Variants in MAST2 observed in about 807,000 individuals in gnomAD.
The protein encoded by MAST2 is microtubule-associated serine/threonine-protein kinase 2.
A neutral mutation model predicts 147.4 loss-of-function variants in MAST2; 70 were observed. The ratio of observed to expected loss-of-function variants is 0.47; its 90% CI spans 0.39 to 0.58. The LOEUF is 0.58. Among genes scored for constraint, MAST2 ranks in the 20% least tolerant of loss-of-function variants. The pLI is 0.00. For missense variants in MAST2, 2,080 were observed against 2,302.3 expected, an observed-to-expected ratio of 0.90 and a Z score of 1.98; for synonymous variants, 869 against 896.8, an observed-to-expected ratio of 0.97 and a Z score of 0.55.
chr1:46,032,832 G>T, intron 26 of MAST2, 114 bp downstream of exon 26: 1 of 1,423,186 alleles, frequency 7.0e-7, no homozygotes, highest in Non-Finnish European at 9.6e-7. Context: ...ACCGAGTATG[G>T]ATGTAGGTAC....
chr1:45,919,878 T>TGCAAA (rs1653176161), intron 4 of MAST2, among the ~76,000 whole-genome samples: 1 of 152,114 alleles, frequency 6.6e-6, no homozygotes, highest in South Asian at 2.1e-4. Flanking sequence ...ATCCATGCCA[T>TGCAAA]GCAAAGTGCC....
Position 45,985,604 on chromosome 1 carries a change from G to A in MAST2, c.593-12120G>A, listed in dbSNP as rs1051056592. Among the ~76,000 whole-genome samples, 4 of 152,218 alleles carry A rather than the reference G, an allele frequency of 2.6e-5. No homozygotes were observed. In the South Asian group the frequency reaches 6.2e-4, roughly 24 times the overall value. On this transcript the variant is annotated intron_variant, in intron 5 of 28. Coordinates refer to ENST00000361297, the MANE Select transcript of MAST2 (RefSeq NM_015112.3). ...GTATGTACTGTGTTTTTTGTCTGGC[G>A]TCTTGTCCTTTGTATTTCCATATGA... is the stretch of plus-strand genomic sequence containing the variant.
intron 2 of MAST2, among the ~76,000 whole-genome samples, chr1:45,828,977 C>G (rs1169070203): frequency 3.3e-5 from 5 of 151,436 alleles, no homozygotes; most frequent in African/African-American, 1.2e-4. Flanking sequence ...TATACTTGGT[C>G]TTTATAAGTG....
intron 4 of MAST2, among the ~76,000 whole-genome samples, chr1:45,899,319 T>TTTTC (rs1417436264): frequency 6.7e-6 from 1 of 148,552 alleles, no homozygotes; most frequent in African/African-American, 2.5e-5. Context: ...TTTTTTTTTT[T>TTTTC]TTTTTTTTAG....
chr1:46,017,179 A>G (rs1487589189), intron 10 of MAST2, among the ~76,000 whole-genome samples: 2 of 152,160 alleles, frequency 1.3e-5, no homozygotes, highest in Admixed American at 6.5e-5. Context: ...TTAATTCAAG[A>G]TGGATTAAAG....
In MAST2 at chr1:45,900,745, G is replaced by A. The variant is rs1270867131; in HGVS notation, c.500+18350G>A. On this transcript the variant is annotated intron_variant, in intron 4 of 28. Transcript: ENST00000361297. ...CTCCCAAAGTGCTGGGATTACAGGC[G>A]TGAGCCACCGCGCCCGGCCGATGTT... Among the ~76,000 whole-genome samples, 4 of 7,204 alleles carry A rather than the reference G, an allele frequency of 5.6e-4. 2 individuals are homozygous for A. The highest frequency in any genetic ancestry group is 3.3e-3 in the African/African-American group (2 of 604). The allele number at this position is 7,204 out of a possible 152,430, so 4.7% of individuals were successfully genotyped here.
chr1:45,986,441 C>G (rs191125545), intron 5 of MAST2, among the ~76,000 whole-genome samples: 2 of 152,084 alleles, frequency 1.3e-5, no homozygotes, highest in African/African-American at 2.4e-5. Flanking sequence ...TTATGCCGGG[C>G]ACGGTGGCTC....
intron 4 of MAST2, among the ~76,000 whole-genome samples, chr1:45,937,578 C>G (rs925222505): frequency 3.3e-5 from 5 of 151,672 alleles, no homozygotes; most frequent in African/African-American, 1.2e-4. Flanking sequence ...GGTGAAGCCC[C>G]GTCTCTACTA....
intron 4 of MAST2, among the ~76,000 whole-genome samples, chr1:45,906,682 T>C (rs1650798124): frequency 6.7e-6 from 1 of 148,810 alleles, no homozygotes; most frequent in Admixed American, 6.7e-5. Flanking sequence ...TTGTAACATA[T>C]AATAATTATA....
chr1:45,997,360 A>C (rs1364056112), intron 5 of MAST2, among the ~76,000 whole-genome samples: 1 of 152,202 alleles, frequency 6.6e-6, no homozygotes, highest in Non-Finnish European at 1.5e-5. Flanking sequence ...CCTTTGAGAA[A>C]GTGTGAACAT....
intron 5 of MAST2, among the ~76,000 whole-genome samples, chr1:45,989,751 T>TC (rs59239918): frequency 0.8 from 121,016 of 151,894 alleles, 48,678 homozygotes; most frequent in East Asian, 0.98. Context: ...TCCCTCATCA[T>TC]TTCCCGCTGG....
At chr1:45,885,963 T>C (rs1444788254) in intron 4 of MAST2, among the ~76,000 whole-genome samples, 1 of 152,064 alleles carries the variant, frequency 6.6e-6, no homozygotes, top group Admixed American at 6.6e-5. Flanking sequence ...AAATTTTAAA[T>C]TTTAAATTGA....
chr1:45,962,061 G>C (rs1660502180), intron 5 of MAST2, among the ~76,000 whole-genome samples: 1 of 151,950 alleles, frequency 6.6e-6, no homozygotes, highest in Non-Finnish European at 1.5e-5. Flanking sequence ...GAGAATGATG[G>C]TTTCCAGCTT....
At chr1:46,024,978 T>G (rs906827867) in intron 15 of MAST2, among the ~76,000 whole-genome samples, 15 of 152,196 alleles carry the variant, frequency 9.9e-5, no homozygotes, top group Admixed American at 5.2e-4. Flanking sequence ...ATGTCTCACA[T>G]GGCAGCAGAC....
chr1:45,873,678 G>A (rs1029912761), intron 3 of MAST2, among the ~76,000 whole-genome samples: 5 of 152,200 alleles, frequency 3.3e-5, no homozygotes, highest in African/African-American at 9.7e-5. Context: ...AAGGAAGTAA[G>A]TAGCAGAATT....
chr1:46,024,110 G>A (rs1351909386), intron 15 of MAST2, 130 bp downstream of exon 15: 1 of 871,480 alleles, frequency 1.1e-6, no homozygotes. Flanking sequence ...TTTGGCATTG[G>A]TTTCTGCCTC....
chr1:45,805,171 C>T (rs1644104599), intron 1 of MAST2, among the ~76,000 whole-genome samples: 1 of 152,048 alleles, frequency 6.6e-6, no homozygotes, highest in Admixed American at 6.5e-5. Context: ...GCCTCAGCCT[C>T]CCGGCTAGCT....
chr1:45,826,256 A>G (rs1040571562), intron 2 of MAST2, among the ~76,000 whole-genome samples: 5 of 152,034 alleles, frequency 3.3e-5, no homozygotes, highest in African/African-American at 1.2e-4. Context: ...CTTTCTATGG[A>G]ATTTTCCATT....
At chr1:45,824,718 TC>T in intron 2 of MAST2, 138 bp downstream of exon 2, 1 of 840,446 alleles carries the variant, frequency 1.2e-6, no homozygotes, top group Non-Finnish European at 1.8e-6. Flanking sequence ...AAGGCTGTCT[TC>T]CTCTCCTTAC....
Sources: allele counts gnomAD v4.1 joint callset (sites outside exome capture counted in the v4.1 genomes callset), GRCh38; gene constraint gnomAD v4.1.1; transcripts MANE v1.5; gene names NCBI Gene and HGNC (gene_info 2026-07-23, HGNC 2026-07-21).